The following FLNB variants were observed in gnomAD, a reference collection of about 807,000 sequenced individuals.
The protein encoded by FLNB is filamin B, also known as filamin-B.
A neutral mutation model predicts 250.6 loss-of-function variants in FLNB; 111 were observed. The ratio of observed to expected loss-of-function variants is 0.44; its 90% CI spans 0.38 to 0.52. The LOEUF (loss-of-function observed/expected upper bound fraction) is 0.52, where lower values mean the gene tolerates loss of function less well. FLNB is among the 20% of genes least tolerant of loss of function. The probability of loss-of-function intolerance (pLI) is 0.00; values close to 1 mark genes in which losing one functional copy is unlikely to be tolerated. For missense variants in FLNB, 2,869 were observed against 3,447.8 expected, an observed-to-expected ratio of 0.83 and a Z score of 4.20; for synonymous variants, 1,302 against 1,372.1, an observed-to-expected ratio of 0.95 and a Z score of 1.13.
intron 4 of FLNB, among the ~76,000 whole-genome samples, chr3:58,093,223 G>A (rs1559686937): frequency 6.6e-6 from 1 of 152,172 alleles, no homozygotes; most frequent in Non-Finnish European, 1.5e-5. Flanking sequence ...AGAGGTGCAC[G>A]GGGCAAAGTT....
chr3:58,134,501 T>C, intron 26 of FLNB, 115 bp from the exon 27 acceptor site: 5 of 1,225,312 alleles, frequency 4.1e-6, no homozygotes, highest in Non-Finnish European at 6.0e-6. Context: ...CTCACTGTCT[T>C]ATCTGCTGTA....
chr3:58,038,812 T>C (rs2097141848), intron 1 of FLNB, among the ~76,000 whole-genome samples: 1 of 152,082 alleles, frequency 6.6e-6, no homozygotes, highest in African/African-American at 2.4e-5. Flanking sequence ...TGCCCCTTGT[T>C]AGGAAAGGCT....
At chr3:58,011,018 G>A (rs1051827608) in intron 1 of FLNB, among the ~76,000 whole-genome samples, 1 of 152,096 alleles carries the variant, frequency 6.6e-6, no homozygotes, top group African/African-American at 2.4e-5. Flanking sequence ...GGGTTCAAGC[G>A]ATTCTTCTGC....
chr3:58,024,035 G>A (rs2097118883), intron 1 of FLNB, among the ~76,000 whole-genome samples: 1 of 152,192 alleles, frequency 6.6e-6, no homozygotes, highest in Non-Finnish European at 1.5e-5. Flanking sequence ...ACTTTGAGAA[G>A]TCTGAAAATT....
chr3:58,071,480 T>C (rs886916674), intron 1 of FLNB, among the ~76,000 whole-genome samples: 3 of 151,904 alleles, frequency 2.0e-5, no homozygotes, highest in Non-Finnish European at 2.9e-5. Context: ...GGTTTCACCG[T>C]GTTAGCCAGG....
chr3:58,156,864 T>C (rs1285395169), intron 41 of FLNB, among the ~76,000 whole-genome samples: 1 of 152,150 alleles, frequency 6.6e-6, no homozygotes, highest in Admixed American at 6.5e-5. Flanking sequence ...ACCCGGCTAA[T>C]TTTTGGATTT....
intron 19 of FLNB, 55 bp downstream of exon 19, chr3:58,119,044 C>T (rs2097283764): frequency 7.8e-7 from 1 of 1,282,882 alleles, no homozygotes. Context: ...AACGTGGCTG[C>T]TGGTTAGATT....
In FLNB at chr3:58,096,177, T is replaced by C; in HGVS notation, c.943T>C (p.Tyr315His). Residue 315 changes from tyrosine to histidine, a missense_variant, in exon 6 of 46, where the codon TAC (tyrosine) becomes CAC (histidine). Tyr to His is a moderately conservative substitution (Grantham distance 83). Coordinates refer to ENST00000295956, the MANE Select transcript of FLNB (RefSeq NM_001457.4). Reference sequence around the variant, plus strand: ...CCCTGACAGTGACAAGAACAAGACATACTCTGTGGAGTATCTGCCCAAGGT... The same window carrying C: ...CCCTGACAGTGACAAGAACAAGACACACTCTGTGGAGTATCTGCCCAAGGT... ...VTPDSDKNKT[Y>H]SVEYLPKVTG... is the part of the protein sequence containing the mutation. The C allele has an allele frequency of 3.1e-6, 5 of 1,614,096 alleles. No individual in the cohort carries two copies. Among genetic ancestry groups the C allele is most frequent in the Non-Finnish European group, 4.2e-6 (5 of 1,179,956 alleles).
intron 1 of FLNB, among the ~76,000 whole-genome samples, chr3:58,020,927 G>A (rs1181565152): frequency 1.3e-5 from 2 of 151,954 alleles, no homozygotes; most frequent in Non-Finnish European, 2.9e-5. Flanking sequence ...GCTACCTTCC[G>A]CCTGTGCTGA....
chr3:58,139,606 G>A (rs912936725), intron 29 of FLNB, among the ~76,000 whole-genome samples: 4 of 152,272 alleles, frequency 2.6e-5, no homozygotes, highest in African/African-American at 7.2e-5. Context: ...GCTCTTTTAT[G>A]TCTCAAGTAT....
In FLNB at chr3:58,014,042, C is replaced by T. The variant is rs1027069448; in HGVS notation, c.292+5186C>T. Among the ~76,000 whole-genome samples the T allele has an allele frequency of 2.6e-5, 4 of 152,156 alleles. No homozygotes were observed. In the East Asian group the frequency reaches 7.7e-4, roughly 29 times the overall value. The stretch of plus-strand genomic sequence containing the variant: ...GGATAATAACTACCTTCTTAAAAGG[C>T]TGTTATAAAGATTAAACAAGTTAAT... On this transcript the variant is annotated intron_variant, in intron 1 of 45. Coordinates refer to ENST00000295956, the MANE Select transcript of FLNB (RefSeq NM_001457.4).
At chr3:58,009,756 G>C (rs1312528584) in intron 1 of FLNB, among the ~76,000 whole-genome samples, 1 of 152,158 alleles carries the variant, frequency 6.6e-6, no homozygotes, top group African/African-American at 2.4e-5. Context: ...GTTAGAAGGA[G>C]GCTTTGTTTT....
At chr3:58,146,394 G>A (rs1317051355) in intron 33 of FLNB, among the ~76,000 whole-genome samples, 1 of 152,206 alleles carries the variant, frequency 6.6e-6, no homozygotes, top group Admixed American at 6.5e-5. Flanking sequence ...TGATAAAGCT[G>A]TGTGCCCATT....
At chr3:58,054,662 C>A (rs9859627) in intron 1 of FLNB, among the ~76,000 whole-genome samples, 8,792 of 152,138 alleles carry the variant, frequency 0.058, 817 homozygotes, top group African/African-American at 0.2. Flanking sequence ...AACCATTCCC[C>A]TGATTCAATT....
chr3:58,100,373 A>AAAAAATATATATATAT, intron 8 of FLNB, among the ~76,000 whole-genome samples: 3 of 104,346 alleles, frequency 2.9e-5, no homozygotes, highest in Admixed American at 1.0e-4. Context: ...GTAAAAAAAA[A>AAAAAATATATATATAT]ATATATATAT....
intron 24 of FLNB, among the ~76,000 whole-genome samples, chr3:58,127,136 A>G (rs2097299272): frequency 6.6e-6 from 1 of 152,182 alleles, no homozygotes; most frequent in Non-Finnish European, 1.5e-5. Flanking sequence ...CAGCCCAGGC[A>G]ACATGGGGAA....
At chr3:58,034,970 G>A (rs1268299494) in intron 1 of FLNB, among the ~76,000 whole-genome samples, 2 of 152,142 alleles carry the variant, frequency 1.3e-5, no homozygotes, top group East Asian at 3.9e-4. Flanking sequence ...CACTGGCAAG[G>A]GTGTTTGACT....
chr3:58,071,826 G>A (rs566632358), intron 1 of FLNB, among the ~76,000 whole-genome samples: 87 of 152,296 alleles, frequency 5.7e-4, no homozygotes, highest in African/African-American at 2.0e-3. Flanking sequence ...AGGCATACAC[G>A]TGGTTGCGTG....
In FLNB at chr3:58,152,508, T is replaced by TA. The variant is rs2097346761; in HGVS notation, c.6368-866dup. Among the ~76,000 whole-genome samples, 6 of 152,302 alleles carry TA rather than the reference T, an allele frequency of 3.9e-5. No homozygotes were observed. In the South Asian group the frequency reaches 1.2e-3, roughly 32 times the overall value. On this transcript the variant is annotated intron_variant, in intron 38 of 45. Coordinates refer to ENST00000295956, the MANE Select transcript of FLNB (RefSeq NM_001457.4). ...GAGGGAGCCAGCTGTCTGGGACTCTTACAAGGCCACTGACCCCATCACAGG... is the reference window on the plus strand; with the variant it reads ...GAGGGAGCCAGCTGTCTGGGACTCTTAACAAGGCCACTGACCCCATCACAGG...
Sources: gnomAD v4.1 joint callset for allele counts (sites outside exome capture counted in the v4.1 genomes callset) on GRCh38, gnomAD v4.1.1 for gene constraint, MANE v1.5 for transcripts, NCBI Gene and HGNC (gene_info 2026-07-23, HGNC 2026-07-21) for gene names.